EYS: variants seen among roughly 807,000 people sequenced by gnomAD.
EYS encodes the protein EGF-like photoreceptor maintenance factor.
Under a neutral mutation model 282.1 loss-of-function variants are expected in EYS, and 250 were observed. The observed-to-expected ratio is 0.89, with a 90% confidence interval of 0.80 to 0.98. EYS has a LOEUF of 0.98. EYS is among the 50% of genes least tolerant of loss of function. The pLI is 0.00. For missense variants in EYS, 4,016 were observed against 3,709.0 expected (o/e 1.08, Z -2.15); for synonymous variants, 1,355 against 1,282.9 (o/e 1.06, Z -1.20).
At chr6:65,024,340 T>C (rs555957624) in intron 13 of EYS, among the ~76,000 whole-genome samples, 1 of 152,308 alleles carries the variant, frequency 6.6e-6, no homozygotes, top group South Asian at 2.1e-4. Flanking sequence ...GTGATTTCTA[T>C]AACCAAGTCA....
At chr6:63,905,621 C>T (rs944087749) in intron 35 of EYS, among the ~76,000 whole-genome samples, 8 of 152,062 alleles carry the variant, frequency 5.3e-5, no homozygotes, top group African/African-American at 1.7e-4. Context: ...TAAGCCACCG[C>T]GCCTGGCCAA....
intron 12 of EYS, among the ~76,000 whole-genome samples, chr6:65,183,739 A>T (rs918718279): frequency 6.6e-6 from 1 of 151,924 alleles, no homozygotes; most frequent in African/African-American, 2.4e-5. Context: ...CTTGAAACAA[A>T]TGTGTCATAT....
chr6:64,409,514 C>A (rs951725211), intron 28 of EYS, among the ~76,000 whole-genome samples: 1 of 152,108 alleles, frequency 6.6e-6, no homozygotes, highest in African/African-American at 2.4e-5. Context: ...ATTCAAAGAG[C>A]TGGAAGTTTA....
At chr6:65,382,377 G>T (rs888642903) in intron 8 of EYS, among the ~76,000 whole-genome samples, 1 of 142,694 alleles carries the variant, frequency 7.0e-6, no homozygotes, top group African/African-American at 2.6e-5. Flanking sequence ...ATGTTCCTTT[G>T]TTAGTTAAAT....
chr6:64,248,890 T>C (rs1767108660), intron 30 of EYS, among the ~76,000 whole-genome samples: 1 of 151,806 alleles, frequency 6.6e-6, no homozygotes, highest in East Asian at 1.9e-4. Flanking sequence ...ACCCTGTCTC[T>C]ACTAAAAATA....
chr6:64,945,770 A>ACAT (rs1769266273), intron 15 of EYS, 23 bp downstream of exon 15: 1 of 1,546,016 alleles, frequency 6.5e-7, no homozygotes, highest in Admixed American at 2.0e-5. Flanking sequence ...TTTCATGAAG[A>ACAT]AAGCTAAAAA....
chr6:65,097,860 G>A (rs1774784481), intron 12 of EYS, among the ~76,000 whole-genome samples: 1 of 150,702 alleles, frequency 6.6e-6, no homozygotes, highest in African/African-American at 2.4e-5. Flanking sequence ...GGGAAAATGG[G>A]AGTTGTTCAT....
intron 5 of EYS, among the ~76,000 whole-genome samples, chr6:65,454,844 A>G (rs927642687): frequency 1.3e-5 from 2 of 151,752 alleles, no homozygotes; most frequent in African/African-American, 4.8e-5. Context: ...TGGGATCCCT[A>G]TTGTGTTCCA....
chr6:65,654,453 A>G (rs867348016), intron 1 of EYS, among the ~76,000 whole-genome samples: 6 of 151,870 alleles, frequency 4.0e-5, no homozygotes, highest in Admixed American at 2.0e-4. Context: ...ATGGACCATT[A>G]TCTTATTTAC....
intron 19 of EYS, among the ~76,000 whole-genome samples, chr6:64,843,555 A>C (rs1302145506): frequency 6.6e-6 from 1 of 152,150 alleles, no homozygotes. Flanking sequence ...TTGGACATGC[A>C]TGGTCCATAT....
intron 29 of EYS, among the ~76,000 whole-genome samples, chr6:64,359,413 A>G (rs1489248640): frequency 1.3e-5 from 2 of 151,724 alleles, no homozygotes; most frequent in African/African-American, 4.8e-5. Flanking sequence ...GCCTATGTCT[A>G]GATTTCTTCA....
intron 36 of EYS, among the ~76,000 whole-genome samples, chr6:63,837,011 T>A (rs924770287): frequency 6.6e-6 from 1 of 152,108 alleles, no homozygotes; most frequent in Non-Finnish European, 1.5e-5. Flanking sequence ...GGGTTGGGAC[T>A]ATTTTTGTTT....
At chr6:65,130,639 G>T (rs1775844017) in intron 12 of EYS, among the ~76,000 whole-genome samples, 1 of 151,608 alleles carries the variant, frequency 6.6e-6, no homozygotes. Context: ...AACACACAGG[G>T]GGCCTATCAG....
At chr6:65,388,437 C>A (rs950255552) in intron 7 of EYS, among the ~76,000 whole-genome samples, 3 of 151,828 alleles carry the variant, frequency 2.0e-5, no homozygotes, top group African/African-American at 4.8e-5. Flanking sequence ...AGAGGTATTT[C>A]AAGGCTGTGT....
intron 19 of EYS, among the ~76,000 whole-genome samples, chr6:64,853,694 G>T (rs562400527): frequency 1.3e-5 from 2 of 152,070 alleles, no homozygotes; most frequent in Admixed American, 6.6e-5. Context: ...ATAGGCATGG[G>T]CAAGGACCTC....
Position 64,158,802 on chromosome 6 carries a change from A to T in EYS, c.6424+71790T>A, listed in dbSNP as rs61628133. Among the ~76,000 whole-genome samples the T allele has an allele frequency of 3.0e-3, 451 of 151,988 alleles. 3 individuals carry two copies. The highest frequency in any genetic ancestry group is 0.01 in the African/African-American group (431 of 41,278). ...TAATACTCGCTAACCACAAACAAAA[A>T]TCATTCTGACTTCTGCTATGTTTTG... is the stretch of plus-strand genomic sequence containing the variant. On this transcript the variant is annotated intron_variant, in intron 31 of 42. Transcript: ENST00000503581.
chr6:63,765,482 CT>C (rs1207967039), intron 40 of EYS, among the ~76,000 whole-genome samples: 101 of 145,650 alleles, frequency 6.9e-4, no homozygotes, highest in Admixed American at 1.2e-3. Context: ...GGCAGTTCAA[CT>C]TTTTTTTTTT....
chr6:65,008,050 G>A (rs1327866808), intron 13 of EYS, among the ~76,000 whole-genome samples: 1 of 152,152 alleles, frequency 6.6e-6, no homozygotes, highest in African/African-American at 2.4e-5. Flanking sequence ...ATTCCCCACA[G>A]GCCAGCAGGC....
chr6:65,397,708 T>C (rs1358081493), intron 7 of EYS, among the ~76,000 whole-genome samples: 1 of 151,668 alleles, frequency 6.6e-6, no homozygotes, highest in Non-Finnish European at 1.5e-5. Flanking sequence ...AATTGTACTG[T>C]GATAAACATA....
Sources: allele counts gnomAD v4.1 joint callset (sites outside exome capture counted in the v4.1 genomes callset), GRCh38; gene constraint gnomAD v4.1.1; transcripts MANE v1.5; gene names NCBI Gene and HGNC (gene_info 2026-07-23, HGNC 2026-07-21).